METTL8: variants seen among roughly 807,000 people sequenced by gnomAD.
METTL8 encodes methyltransferase 8, tRNA N3-cytidine.
Under a neutral mutation model 48.7 loss-of-function variants are expected in METTL8, and 32 were observed. That is an observed-to-expected ratio of 0.66 (90% CI 0.50 to 0.88). METTL8 has a LOEUF of 0.88. METTL8 is among the 40% of genes least tolerant of loss of function. The probability of loss-of-function intolerance (pLI) is 0.00; values close to 1 mark genes in which losing one functional copy is unlikely to be tolerated. For synonymous variants in METTL8, 136 were observed against 157.1 expected, an observed-to-expected ratio of 0.87 and a Z score of 1.01; for missense variants, 464 against 474.4, an observed-to-expected ratio of 0.98 and a Z score of 0.20.
chr2:171,368,972 AT>A (rs1686009658), intron 2 of METTL8, among the ~76,000 whole-genome samples: 1 of 152,162 alleles, frequency 6.6e-6, no homozygotes, highest in South Asian at 2.1e-4. Flanking sequence ...TTAGTGTAAT[AT>A]CAAAAAAAAC....
At chr2:171,352,859 TTTC>T (rs1238109608) in intron 3 of METTL8, among the ~76,000 whole-genome samples, 1 of 152,188 alleles carries the variant, frequency 6.6e-6, no homozygotes, top group Non-Finnish European at 1.5e-5. Context: ...TCTTCTCTCT[TTTC>T]TTCTTTATTA....
chr2:171,376,064 C>G (rs561943929), intron 2 of METTL8, among the ~76,000 whole-genome samples: 1 of 152,248 alleles, frequency 6.6e-6, no homozygotes, highest in African/African-American at 2.4e-5. Context: ...TTTGCTTTGT[C>G]AAATGATCCT....
chr2:171,338,822 GA>G (rs1559066445), intron 4 of METTL8, among the ~76,000 whole-genome samples: 1 of 152,094 alleles, frequency 6.6e-6, no homozygotes, highest in Non-Finnish European at 1.5e-5. Context: ...GTCTACACCA[GA>G]TTATAGCAAA....
intron 2 of METTL8, among the ~76,000 whole-genome samples, chr2:171,364,482 C>T (rs1685522019): frequency 6.6e-6 from 1 of 151,838 alleles, no homozygotes; most frequent in South Asian, 2.1e-4. Context: ...AGAAAAAAAC[C>T]TCAAAAATAG....
chr2:171,406,698 G>A (rs1690214972), intron 1 of METTL8, among the ~76,000 whole-genome samples: 1 of 152,082 alleles, frequency 6.6e-6, no homozygotes, highest in Non-Finnish European at 1.5e-5. Context: ...ATGAATTTAG[G>A]GGGACACAAT....
chr2:171,433,727 C>A (rs1177450660), intron 1 of METTL8, among the ~76,000 whole-genome samples, 156 bp downstream of exon 1: 1 of 152,244 alleles, frequency 6.6e-6, no homozygotes, highest in Non-Finnish European at 1.5e-5. Flanking sequence ...TCCCCGCAGG[C>A]CACCCAAGGA....
intron 2 of METTL8, among the ~76,000 whole-genome samples, chr2:171,386,522 G>T (rs936353549): frequency 6.6e-6 from 1 of 152,162 alleles, no homozygotes; most frequent in African/African-American, 2.4e-5. Flanking sequence ...CCAGTACTTT[G>T]GGAGTCCGAG....
At chr2:171,414,576 A>C (rs920760829) in intron 1 of METTL8, 1 of 151,922 alleles carries the variant, frequency 6.6e-6, no homozygotes, top group African/African-American at 2.4e-5. Flanking sequence ...AAAAATTAAA[A>C]AATTAGCTGG....
At chr2:171,339,854 T>A (rs950801237) in intron 3 of METTL8, among the ~76,000 whole-genome samples, 1 of 152,224 alleles carries the variant, frequency 6.6e-6, no homozygotes, top group Non-Finnish European at 1.5e-5. Context: ...AACTTTCTAA[T>A]TTTATCTTAA....
rs185706751 is a variant in METTL8 at position 171,427,676 on chromosome 2, T to C, written c.-13+6207A>G. On this transcript the variant is annotated intron_variant, in intron 1 of 9. Transcript: ENST00000375258. The stretch of plus-strand genomic sequence containing the variant: ...GTGTTCTCTTTAGAACGGCCTTCCC[T>C]GACCACTCTGGCTAAAGCAGGGTGT... Among the ~76,000 whole-genome samples, 590 of 152,362 alleles carry C rather than the reference T, an allele frequency of 3.9e-3. 4 individuals are homozygous for C. The highest frequency in any genetic ancestry group is 0.013 in the African/African-American group (535 of 41,580).
At chr2:171,361,260 T>A (rs969732028) in intron 2 of METTL8, among the ~76,000 whole-genome samples, 5 of 151,936 alleles carry the variant, frequency 3.3e-5, no homozygotes, top group African/African-American at 9.7e-5. Context: ...TTGCTTTTTT[T>A]TTTTTGCAAT....
upstream of METTL8, chr2:171,434,462 G>A: frequency 6.6e-7 from 1 of 1,506,334 alleles, no homozygotes. Flanking sequence ...CTTTCCCTGG[G>A]CCCCGCCGGG....
rs1685434055 is a variant in METTL8, at chr2:171,330,694, T to C, written c.725A>G (p.His242Arg). Residue 242 changes from histidine (H) to arginine (R), a missense_variant, in exon 7 of 10, where the codon CAC becomes CGC. His to Arg is a conservative substitution (Grantham distance 29). Transcript: ENST00000375258. ...ASGAVELVKS[H>R]SSYRATQCFA... ...ACACTGGGTTGCTCTGTAGGACGAG[T>C]GTGACTGTCATGATAAAGGAACAGA... is the stretch of plus-strand genomic sequence containing the variant. 2.5e-6 allele frequency: 4 copies of C among 1,607,358 alleles called. No homozygotes were observed. The highest frequency in any genetic ancestry group is 3.4e-6 in the Non-Finnish European group (4 of 1,177,936).
intron 1 of METTL8, among the ~76,000 whole-genome samples, chr2:171,413,994 GA>G (rs1316919811): frequency 1.3e-5 from 2 of 151,962 alleles, no homozygotes; most frequent in Non-Finnish European, 2.9e-5. Context: ...ATAATCAGAA[GA>G]ATATATTAAG....
At position 171,316,376 on chromosome 2, in the gene METTL8, T is replaced by C. The variant is rs1559024835; in HGVS notation, c.*7796A>G. ...GGGGAAGCCTGGATCCATGGTTTTT[T>C]CCTAAAGTAAACAAAAGATCTGCAA... On this transcript the variant is annotated 3_prime_UTR_variant, in exon 10 of 10. Transcript: ENST00000375258. 6.6e-6 allele frequency among the ~76,000 whole-genome samples: 1 copy of C among 152,200 alleles called. No individual in the cohort carries two copies. The highest frequency in any genetic ancestry group is 1.5e-5 in the Non-Finnish European group (1 of 68,032).
In METTL8 at chr2:171,339,393, C is replaced by A. The variant is rs773192845; in HGVS notation, c.397G>T (p.Val133Leu). The A allele has an allele frequency of 6.2e-7, 1 of 1,613,374 alleles. No individual in the cohort carries two copies. The highest frequency in any genetic ancestry group is 1.7e-5 in the Admixed American group (1 of 60,018). ...AAACGATTTGTAGCACTAGTTTTTA[C>A]ATGATCCCATGATGATTCTCTCGCC... Reference protein sequence around the residue: ...EKARESSWDHVKTSATNRFSR... With the variant: ...EKARESSWDHLKTSATNRFSR... The change falls in exon 4 of 10, where the codon GTA (valine) becomes TTA (leucine). Residue 133 changes from valine to leucine, a missense_variant. Val to Leu is a conservative substitution (Grantham distance 32). Transcript: ENST00000375258.
chr2:171,342,998 C>A (rs1332314684), intron 3 of METTL8, among the ~76,000 whole-genome samples: 1 of 151,888 alleles, frequency 6.6e-6, no homozygotes. Context: ...CAAAGCAAGA[C>A]CCTGTCTCTA....
In METTL8 at chr2:171,401,193, T is replaced by C. The variant is rs192819594; in HGVS notation, c.-12-8996A>G. Among the ~76,000 whole-genome samples, 190 of 152,226 alleles carry C rather than the reference T, an allele frequency of 1.2e-3. 2 individuals carry two copies. The highest frequency in any genetic ancestry group is 4.5e-3 in the African/African-American group (187 of 41,556). ...AGAGGCTAGCATTAATGAGAACAAATTAAGCGCTACTGTTGTACTTTTTTG... is the reference window on the plus strand; with the variant it reads ...AGAGGCTAGCATTAATGAGAACAAACTAAGCGCTACTGTTGTACTTTTTTG... On this transcript the variant is annotated intron_variant, in intron 1 of 9. Coordinates refer to ENST00000375258, the MANE Select transcript of METTL8 (RefSeq NM_001321154.2).
At chr2:171,422,329 T>C (rs1471872928) in intron 1 of METTL8, among the ~76,000 whole-genome samples, 3 of 152,166 alleles carry the variant, frequency 2.0e-5, no homozygotes, top group Non-Finnish European at 2.9e-5. Context: ...TATACCATAC[T>C]CTCAAATCAA....
Sources: allele counts gnomAD v4.1 joint callset (sites outside exome capture counted in the v4.1 genomes callset), GRCh38; gene constraint gnomAD v4.1.1; transcripts MANE v1.5; gene names NCBI Gene and HGNC (gene_info 2026-07-23, HGNC 2026-07-21).